The following NBEA variants were observed in gnomAD, a reference collection of about 807,000 sequenced individuals.
NBEA encodes lysosomal-trafficking regulator 2.
A neutral mutation model predicts 343.4 loss-of-function variants in NBEA; 44 were observed. The ratio of observed to expected loss-of-function variants is 0.13; its 90% CI spans 0.10 to 0.16. The LOEUF (loss-of-function observed/expected upper bound fraction) is 0.16. Ranked by LOEUF, NBEA falls within the 10% of genes least tolerant of loss-of-function variation. The pLI is 1.00. For missense variants in NBEA, 2,555 were observed against 3,631.3 expected, an observed-to-expected ratio of 0.70 and a Z score of 7.62; for synonymous variants, 1,175 against 1,238.7, an observed-to-expected ratio of 0.95 and a Z score of 1.08.
chr13:35,404,961 AAC>A (rs2043198645), intron 38 of NBEA, among the ~76,000 whole-genome samples: 1 of 152,128 alleles, frequency 6.6e-6, no homozygotes. Context: ...GATTGGAGGA[AAC>A]AGTCAGAAGG....
chr13:35,278,341 A>G (rs1048434155), intron 34 of NBEA, among the ~76,000 whole-genome samples: 1 of 151,978 alleles, frequency 6.6e-6, no homozygotes, highest in Non-Finnish European at 1.5e-5. Context: ...TTCTCTACCT[A>G]TTATTGTATT....
At chr13:35,044,098 T>C (rs2062756302) in intron 2 of NBEA, among the ~76,000 whole-genome samples, 1 of 152,090 alleles carries the variant, frequency 6.6e-6, no homozygotes, top group African/African-American at 2.4e-5. Context: ...ATTTTTCTCA[T>C]TATTAGGTGT....
chr13:34,975,580 G>C (rs948291842), intron 1 of NBEA, among the ~76,000 whole-genome samples: 3 of 152,064 alleles, frequency 2.0e-5, no homozygotes, highest in African/African-American at 7.2e-5. Flanking sequence ...AAGACAAATA[G>C]ATGGGACTTA....
chr13:35,220,682 G>A (rs2074313222), intron 33 of NBEA, among the ~76,000 whole-genome samples: 1 of 151,996 alleles, frequency 6.6e-6, no homozygotes, highest in Non-Finnish European at 1.5e-5. Flanking sequence ...TTACTATGAT[G>A]TTTTCAGGCG....
At chr13:35,622,514 C>A (rs2083037173) in intron 48 of NBEA, among the ~76,000 whole-genome samples, 1 of 152,106 alleles carries the variant, frequency 6.6e-6, no homozygotes, top group South Asian at 2.1e-4. Context: ...CAGAAACAGT[C>A]AAGTACTGGA....
chr13:35,489,765 T>A (rs2076438314), intron 41 of NBEA, among the ~76,000 whole-genome samples: 1 of 151,916 alleles, frequency 6.6e-6, no homozygotes, highest in Non-Finnish European at 1.5e-5. Flanking sequence ...ATAGAAAATA[T>A]AAAGCAATAA....
At chr13:35,209,611 T>A (rs922647988) in intron 32 of NBEA, among the ~76,000 whole-genome samples, 2 of 152,104 alleles carry the variant, frequency 1.3e-5, no homozygotes, top group Admixed American at 6.6e-5. Context: ...CGCAAGATGA[T>A]CCCTGACTTT....
intron 1 of NBEA, among the ~76,000 whole-genome samples, chr13:34,994,279 T>C (rs1187399223): frequency 4.0e-5 from 6 of 150,026 alleles, no homozygotes; most frequent in Non-Finnish European, 7.4e-5. Flanking sequence ...TATGAAATAA[T>C]TCAATTCAAA....
rs1259490003 is a variant in NBEA, at chr13:35,159,357, G to A, written c.3186G>A (p.Glu1062=). ...VHDLLVDIKA[E]KVEATEVKLD... is the part of the protein sequence containing the mutation. ...ATCTTTTAGTAGATATAAAAGCAGA[G>A]AAAGTGGAAGCAACAGAAGTAAAGC... Residue 1062 remains glutamate, a synonymous_variant, in exon 22 of 59, where the codon GAG becomes GAA. Coordinates refer to ENST00000379939, the MANE Select transcript of NBEA (RefSeq NM_001385012.1). 4 of 1,613,472 alleles carry A rather than the reference G, an allele frequency of 2.5e-6. No homozygotes were observed. In the East Asian group the frequency reaches 8.9e-5, roughly 36 times the overall value.
chr13:35,443,635 C>G (rs1050034530), intron 39 of NBEA, among the ~76,000 whole-genome samples: 2 of 151,786 alleles, frequency 1.3e-5, no homozygotes, highest in Non-Finnish European at 2.9e-5. Flanking sequence ...GTATTTGGAA[C>G]AACAAATAGA....
chr13:35,119,702 C>A (rs992778720), intron 16 of NBEA, among the ~76,000 whole-genome samples: 6 of 152,268 alleles, frequency 3.9e-5, no homozygotes, highest in African/African-American at 1.4e-4. Flanking sequence ...TCTCCTGCCT[C>A]AGCCTCCTGA....
chr13:35,048,436 G>T, intron 4 of NBEA, 127 bp from the exon 5 acceptor site: 1 of 815,092 alleles, frequency 1.2e-6, no homozygotes, highest in South Asian at 2.4e-5. Flanking sequence ...TTATTTTATG[G>T]ATTTGTTTGT....
At chr13:35,255,929 A>C (rs1004847428) in intron 34 of NBEA, among the ~76,000 whole-genome samples, 1 of 152,240 alleles carries the variant, frequency 6.6e-6, no homozygotes, top group Non-Finnish European at 1.5e-5. Flanking sequence ...TGAGTGACAG[A>C]ACAACTCTTG....
chr13:35,455,991 A>G (rs560287741), intron 40 of NBEA, among the ~76,000 whole-genome samples: 4 of 152,132 alleles, frequency 2.6e-5, no homozygotes, highest in Admixed American at 6.5e-5. Context: ...TTATAACTCA[A>G]TTTTTACACT....
intron 38 of NBEA, among the ~76,000 whole-genome samples, chr13:35,375,416 G>GT (rs2041684717): frequency 6.6e-6 from 1 of 151,990 alleles, no homozygotes; most frequent in African/African-American, 2.4e-5. Context: ...AGGTAACAAT[G>GT]TTTTTCTGAT....
intron 41 of NBEA, among the ~76,000 whole-genome samples, chr13:35,525,309 T>C (rs2077915561): frequency 6.6e-6 from 1 of 152,200 alleles, no homozygotes; most frequent in African/African-American, 2.4e-5. Flanking sequence ...CCTAGCACTT[T>C]GGGAGGCCGA....
At chr13:35,184,095 C>G in intron 30 of NBEA, 24 bp downstream of exon 30, 1 of 1,503,336 alleles carries the variant, frequency 6.7e-7, no homozygotes, top group South Asian at 1.2e-5. Flanking sequence ...CATCTCCTGA[C>G]CTGTTTGGGT....
chr13:35,196,811 T>C (rs949295932), intron 31 of NBEA, among the ~76,000 whole-genome samples: 2 of 152,168 alleles, frequency 1.3e-5, no homozygotes, highest in Admixed American at 6.6e-5. Flanking sequence ...TCATCTTCTT[T>C]ATGAGATTTC....
intron 45 of NBEA, among the ~76,000 whole-genome samples, chr13:35,574,882 TG>T (rs35352014): frequency 0.25 from 38,072 of 151,596 alleles, 5,118 homozygotes; most frequent in East Asian, 0.35. Flanking sequence ...CCCCAGTAGC[TG>T]GGATTAAAGG....
Sources: gnomAD v4.1 joint callset for allele counts (sites outside exome capture counted in the v4.1 genomes callset) on GRCh38, gnomAD v4.1.1 for gene constraint, MANE v1.5 for transcripts, NCBI Gene and HGNC (gene_info 2026-07-23, HGNC 2026-07-21) for gene names.